The following SARNP variants were observed in gnomAD, a reference collection of about 807,000 sequenced individuals.
The protein encoded by SARNP is SAP domain-containing ribonucleoprotein.
Under a neutral mutation model 38.1 loss-of-function variants are expected in SARNP, and 5 were observed. The observed-to-expected ratio is 0.13, with a 90% CI of 0.07 to 0.28. The LOEUF is 0.28. Among genes scored for constraint, SARNP ranks in the 10% least tolerant of loss-of-function variants. SARNP has a pLI of 1.00. For missense variants in SARNP, 180 were observed against 243.9 expected, an observed-to-expected ratio of 0.74 and a Z score of 1.75; for synonymous variants, 84 against 80.6, an observed-to-expected ratio of 1.04 and a Z score of -0.23.
chr12:55,808,244 A>T (rs1251757795), intron 1 of SARNP, among the ~76,000 whole-genome samples: 1 of 152,082 alleles, frequency 6.6e-6, no homozygotes, highest in Non-Finnish European at 1.5e-5. Flanking sequence ...GCAAGTTGGA[A>T]GGCTGAGGCA....
intron 9 of SARNP, among the ~76,000 whole-genome samples, chr12:55,786,776 C>T (rs967694399): frequency 4.6e-5 from 7 of 152,078 alleles, no homozygotes; most frequent in Non-Finnish European, 7.3e-5. Context: ...ACAGCCCTTC[C>T]CAATTAAAGT....
At chr12:55,775,257 AAAG>A (rs1317472070) in intron 9 of SARNP, among the ~76,000 whole-genome samples, 21 of 150,440 alleles carry the variant, frequency 1.4e-4, no homozygotes, top group Admixed American at 1.1e-3. Flanking sequence ...AAAAAAAAAA[AAAG>A]AACATGAAAA....
chr12:55,804,417 G>GA (rs761267629), intron 1 of SARNP, among the ~76,000 whole-genome samples: 12,641 of 119,550 alleles, frequency 0.11, 741 homozygotes, highest in African/African-American at 0.17. Context: ...CACGGAAACA[G>GA]AAAAAAAAAA....
chr12:55,809,429 G>A (rs1407079856), intron 1 of SARNP, among the ~76,000 whole-genome samples: 2 of 143,850 alleles, frequency 1.4e-5, no homozygotes, highest in African/African-American at 2.6e-5. Flanking sequence ...GGGCAACACA[G>A]TAAGACCCTG....
intron 1 of SARNP, among the ~76,000 whole-genome samples, chr12:55,807,537 T>A (rs1880186091): frequency 6.6e-6 from 1 of 151,160 alleles, no homozygotes; most frequent in South Asian, 2.1e-4. Context: ...GCGTGGTGGC[T>A]CACTCCTGTA....
At chr12:55,800,415 T>C (rs1330204916) in intron 4 of SARNP, 147 bp downstream of exon 4, 18 of 567,004 alleles carry the variant, frequency 3.2e-5, no homozygotes, top group Admixed American at 6.9e-5. Context: ...TACTTTGAAG[T>C]AGTCCCTTCT....
chr12:55,800,703 C>G, intron 3 of SARNP, 74 bp from the exon 4 acceptor site: 1 of 1,369,360 alleles, frequency 7.3e-7, no homozygotes, highest in Non-Finnish European at 1.0e-6. Context: ...AACATCAGAA[C>G]TCCAAAATAA....
intron 6 of SARNP, among the ~76,000 whole-genome samples, chr12:55,794,589 G>C (rs949752571): frequency 6.6e-6 from 1 of 152,098 alleles, no homozygotes; most frequent in Admixed American, 6.5e-5. Flanking sequence ...GTCAGTTCCT[G>C]GCTTTAACTG....
chr12:55,806,123 A>C (rs1880133426), intron 1 of SARNP, among the ~76,000 whole-genome samples: 1 of 152,066 alleles, frequency 6.6e-6, no homozygotes, highest in Non-Finnish European at 1.5e-5. Flanking sequence ...TAGCCTCTGA[A>C]GCCAGACTAC....
intron 9 of SARNP, among the ~76,000 whole-genome samples, chr12:55,770,297 C>T (rs868574647): frequency 2.7e-5 from 4 of 150,548 alleles, no homozygotes; most frequent in Middle Eastern, 3.4e-3. Context: ...GTGATCTCAG[C>T]TCACTGCAAG....
intron 4 of SARNP, among the ~76,000 whole-genome samples, chr12:55,799,532 C>A (rs1390740356): frequency 6.7e-6 from 1 of 149,730 alleles, no homozygotes; most frequent in Non-Finnish European, 1.5e-5. Context: ...TCCTCCCTTA[C>A]AAAACTCCTT....
At position 55,812,593 on chromosome 12, in the gene SARNP, C is replaced by T. The variant is rs146921349; in HGVS notation, c.36+5073G>A. On this transcript the variant is annotated intron_variant, in intron 1 of 10. Transcript: ENST00000336133. ...TGTCCAAGTGGATGTCCCACAGACA[C>T]CTAAGCCTCAAAATGAACTTACCTC... is the stretch of plus-strand genomic sequence containing the variant. Among the ~76,000 whole-genome samples the T allele has an allele frequency of 9.6e-4, 147 of 152,342 alleles. 6 individuals are homozygous for T. Among genetic ancestry groups the T allele is most frequent in the Admixed American group, 7.0e-3 (107 of 15,304 alleles).
chr12:55,791,745 G>T (rs868274035), intron 7 of SARNP, among the ~76,000 whole-genome samples: 1 of 151,750 alleles, frequency 6.6e-6, no homozygotes, highest in African/African-American at 2.4e-5. Flanking sequence ...GGCTCCTTAA[G>T]GCCAATTTTC....
intron 4 of SARNP, among the ~76,000 whole-genome samples, chr12:55,796,789 C>G (rs1217977237): frequency 6.6e-6 from 1 of 152,178 alleles, no homozygotes; most frequent in South Asian, 2.1e-4. Flanking sequence ...TTAATAAGTA[C>G]TCTACAAGGT....
intron 9 of SARNP, among the ~76,000 whole-genome samples, chr12:55,762,906 C>CT (rs1377693873): frequency 6.6e-6 from 1 of 152,196 alleles, no homozygotes; most frequent in Non-Finnish European, 1.5e-5. Flanking sequence ...CTGTCTTGGT[C>CT]TTTAACTCTT....
In SARNP at chr12:55,768,302, T is replaced by A. The variant is rs566381836; in HGVS notation, c.502-7662A>T. Among the ~76,000 whole-genome samples, 24 of 150,644 alleles carry A rather than the reference T, an allele frequency of 1.6e-4. 1 individual carries two copies. Among genetic ancestry groups the A allele is most frequent in the East Asian group, 7.8e-4 (4 of 5,114 alleles). ...CACCACGCCCAGCTAATTTTTTTTT[T>A]AATTTTTAGTAGAGACAGGGTTTCT... On this transcript the variant is annotated intron_variant, in intron 9 of 10. Transcript: ENST00000336133.
At chr12:55,768,525 T>C (rs1455891425) in intron 9 of SARNP, among the ~76,000 whole-genome samples, 1 of 147,184 alleles carries the variant, frequency 6.8e-6, no homozygotes, top group Non-Finnish European at 1.5e-5. Context: ...CCCGGGTTCA[T>C]GAGATTCTCC....
At chr12:55,754,852 A>G (rs1358073202), downstream of SARNP, 1 of 152,250 alleles carries the variant, frequency 6.6e-6, no homozygotes, top group African/African-American at 2.4e-5. Flanking sequence ...GTGTGGTAGA[A>G]TAAGAAATTA....
chr12:55,785,265 T>G (rs1879457537), intron 9 of SARNP, among the ~76,000 whole-genome samples: 1 of 152,142 alleles, frequency 6.6e-6, no homozygotes, highest in South Asian at 2.1e-4. Context: ...GTTCTGCCAA[T>G]TACCATTATT....
Sources: gnomAD v4.1 joint callset for allele counts (sites outside exome capture counted in the v4.1 genomes callset) on GRCh38, gnomAD v4.1.1 for gene constraint, MANE v1.5 for transcripts, NCBI Gene and HGNC (gene_info 2026-07-23, HGNC 2026-07-21) for gene names.